CSMD3: variants seen among roughly 807,000 people sequenced by gnomAD.
The protein encoded by CSMD3 is CUB and sushi domain-containing protein 3.
In CSMD3, 177 loss-of-function variants were observed where a neutral mutation model predicts 435.2. The observed-to-expected ratio is 0.41, with a 90% CI of 0.36 to 0.46. The LOEUF (loss-of-function observed/expected upper bound fraction) is 0.46. Among genes scored for constraint, CSMD3 ranks in the 20% least tolerant of loss-of-function variants. The probability of loss-of-function intolerance (pLI) is 0.34; values close to 1 mark genes in which losing one functional copy is unlikely to be tolerated. For missense variants in CSMD3, 4,265 were observed against 4,504.6 expected, an observed-to-expected ratio of 0.95 and a Z score of 1.52; for synonymous variants, 1,656 against 1,520.5, an observed-to-expected ratio of 1.09 and a Z score of -2.07.
intron 22 of CSMD3, among the ~76,000 whole-genome samples, chr8:112,621,765 G>A (rs1039861979): frequency 6.6e-6 from 1 of 152,060 alleles, no homozygotes; most frequent in Non-Finnish European, 1.5e-5. Context: ...GAGCCCCAGG[G>A]CTTGGCTTCT....
chr8:112,922,056 T>C (rs1979305), intron 9 of CSMD3, among the ~76,000 whole-genome samples: 130,304 of 152,010 alleles, frequency 0.86, 56,160 homozygotes, highest in African/African-American at 0.94. Flanking sequence ...TGTGTTCATA[T>C]CATATTACGG....
intron 5 of CSMD3, among the ~76,000 whole-genome samples, chr8:113,066,360 G>C (rs1350474388): frequency 6.6e-6 from 1 of 151,738 alleles, no homozygotes. Context: ...GAAGAGGAGA[G>C]GGTGAGGTAT....
chr8:112,596,929 T>C (rs1443452171), intron 22 of CSMD3, among the ~76,000 whole-genome samples: 1 of 151,122 alleles, frequency 6.6e-6, no homozygotes. Context: ...GATCCAAAAT[T>C]GACACCCTAA....
intron 13 of CSMD3, among the ~76,000 whole-genome samples, chr8:112,714,941 T>G (rs1563885743): frequency 6.6e-6 from 1 of 152,160 alleles, no homozygotes; most frequent in Admixed American, 6.5e-5. Context: ...AGATGGAAAT[T>G]TATAACACTA....
chr8:112,503,545 T>C (rs1338158849), intron 30 of CSMD3, among the ~76,000 whole-genome samples: 3 of 152,198 alleles, frequency 2.0e-5, no homozygotes, highest in Non-Finnish European at 4.4e-5. Flanking sequence ...ACTCCTCCAA[T>C]ATACTAATTG....
At chr8:112,661,261 C>T (rs2131681991) in intron 17 of CSMD3, among the ~76,000 whole-genome samples, 1 of 152,162 alleles carries the variant, frequency 6.6e-6, no homozygotes, top group South Asian at 2.1e-4. Flanking sequence ...AAAGATTTCA[C>T]CAGAAAGTCA....
chr8:113,394,871 G>A (rs150537045), intron 1 of CSMD3, among the ~76,000 whole-genome samples: 1,735 of 152,224 alleles, frequency 0.011, 15 homozygotes, highest in Admixed American at 0.018. Context: ...TTTTGGGGAG[G>A]TTTAGCCTAA....
At chr8:113,423,880 A>T (rs1197029648) in intron 1 of CSMD3, among the ~76,000 whole-genome samples, 1 of 151,878 alleles carries the variant, frequency 6.6e-6, no homozygotes, top group Non-Finnish European at 1.5e-5. Context: ...GAAATTATCA[A>T]AGCAGAAAAA....
At position 112,265,488 on chromosome 8, in the gene CSMD3, G is replaced by A. The variant is rs144899938; in HGVS notation, c.9611C>T (p.Thr3204Met). ...GATTCTGGAGCCATTCAATTCCATC[G>A]TGTAGCCTGGCTGGCACATGTAAGA... ...NVSYMCQPGY[T>M]MELNGSRIRT... The change falls in exon 60 of 71, where the codon ACG becomes ATG. Residue 3204 changes from threonine (T) to methionine (M), a missense_variant. Around this residue, in one of 3 missense-constraint regions of CSMD3, gnomAD observed 3,255 missense variants for 3,380.2 expected, o/e 0.96. Transcript: ENST00000297405. 5.1e-5 allele frequency: 82 copies of A among 1,613,330 alleles called. No individual in the cohort carries two copies. The highest frequency in any genetic ancestry group is 6.2e-5 in the Non-Finnish European group (73 of 1,179,572).
chr8:112,908,312 C>A (rs2082317674), intron 10 of CSMD3, among the ~76,000 whole-genome samples: 1 of 151,402 alleles, frequency 6.6e-6, no homozygotes, highest in Non-Finnish European at 1.5e-5. Context: ...TCAGTAAAGT[C>A]TCTATATTAC....
At chr8:112,502,239 C>T (rs922569869) in intron 30 of CSMD3, among the ~76,000 whole-genome samples, 1 of 152,152 alleles carries the variant, frequency 6.6e-6, no homozygotes. Context: ...GTCTAAACTT[C>T]CCCCAAGCAT....
chr8:113,302,659 C>A (rs1034694964), intron 2 of CSMD3, among the ~76,000 whole-genome samples: 1 of 151,738 alleles, frequency 6.6e-6, no homozygotes, highest in Non-Finnish European at 1.5e-5. Flanking sequence ...GATGAGAAAA[C>A]CACATGATTA....
chr8:113,411,994 G>A (rs752774165), intron 1 of CSMD3, among the ~76,000 whole-genome samples: 4 of 152,124 alleles, frequency 2.6e-5, no homozygotes, highest in East Asian at 3.9e-4. Context: ...CAGGCAGGAC[G>A]GTTAATGTCT....
At chr8:112,468,778 A>C (rs1818230344) in intron 32 of CSMD3, among the ~76,000 whole-genome samples, 1 of 152,102 alleles carries the variant, frequency 6.6e-6, no homozygotes, top group Non-Finnish European at 1.5e-5. Context: ...TTAAATCCAA[A>C]AAGCCAAATG....
intron 12 of CSMD3, among the ~76,000 whole-genome samples, chr8:112,824,639 T>C (rs1163516963): frequency 2.6e-5 from 4 of 152,240 alleles, no homozygotes; most frequent in Non-Finnish European, 4.4e-5. Context: ...GCCCCCATTC[T>C]CTTCTGGCTT....
At chr8:113,026,131 C>T (rs1006127074) in intron 5 of CSMD3, among the ~76,000 whole-genome samples, 9 of 152,140 alleles carry the variant, frequency 5.9e-5, no homozygotes, top group African/African-American at 2.2e-4. Context: ...CATTCAGAGG[C>T]AGTGAGGACT....
intron 12 of CSMD3, among the ~76,000 whole-genome samples, chr8:112,821,945 A>C (rs2079542591): frequency 6.6e-6 from 1 of 152,174 alleles, no homozygotes; most frequent in Non-Finnish European, 1.5e-5. Context: ...GGTTTGTTGA[A>C]GATCAGATGG....
chr8:113,032,149 T>TACTAATACA lies in CSMD3; in HGVS notation c.918-12971_918-12970insTGTATTAGT, dbSNP rs1185130608. ...GTGATAACAGACTAATACAGAGAGT[T>TACTAATACA]GGTACTAGTAGAGCGAGTTACTCCT... On this transcript the variant is annotated intron_variant, in intron 5 of 70. Transcript: ENST00000297405. Among the ~76,000 whole-genome samples, 4 of 151,712 alleles carry TACTAATACA rather than the reference T, an allele frequency of 2.6e-5. No homozygotes were observed. In the East Asian group the frequency reaches 7.7e-4, roughly 29 times the overall value.
At chr8:112,430,438 A>C (rs988353095) in intron 32 of CSMD3, among the ~76,000 whole-genome samples, 6 of 152,194 alleles carry the variant, frequency 3.9e-5, no homozygotes, top group Middle Eastern at 3.4e-3. Flanking sequence ...TACTGACGGC[A>C]GGCCTGAAGC....
Sources: gnomAD v4.1 joint callset for allele counts (sites outside exome capture counted in the v4.1 genomes callset) on GRCh38, gnomAD v4.1.1 for gene constraint, gnomAD v4.1.1 regional missense constraint, MANE v1.5 for transcripts, NCBI Gene and HGNC (gene_info 2026-07-23, HGNC 2026-07-21) for gene names.